STPG2: variants seen among roughly 807,000 people sequenced by gnomAD.
STPG2 encodes sperm tail PG-rich repeat containing 2.
In STPG2, 56 loss-of-function variants were observed where a neutral mutation model predicts 54.2. The ratio of observed to expected loss-of-function variants is 1.03; its 90% confidence interval spans 0.83 to 1.29. The LOEUF (loss-of-function observed/expected upper bound fraction) is 1.29. Among genes scored for constraint, STPG2 ranks in the 50% most tolerant of loss-of-function variants. The pLI is 0.00. For synonymous variants in STPG2, 200 were observed against 181.8 expected (o/e 1.10, Z -0.81); for missense variants, 596 against 544.9 (o/e 1.09, Z -0.93).
intron 4 of STPG2, among the ~76,000 whole-genome samples, chr4:97,508,188 C>T (rs1000694344): frequency 6.6e-6 from 1 of 152,012 alleles, no homozygotes; most frequent in Non-Finnish European, 1.5e-5. Flanking sequence ...ACAGCAAATA[C>T]ATCCATAAGG....
chr4:97,505,381 T>C (rs1730822022), intron 4 of STPG2, among the ~76,000 whole-genome samples: 1 of 151,926 alleles, frequency 6.6e-6, no homozygotes, highest in Admixed American at 6.6e-5. Context: ...TAACCCAGAA[T>C]ATGAAAATAG....
intron 4 of STPG2, among the ~76,000 whole-genome samples, chr4:97,462,089 A>C (rs1438125661): frequency 2.0e-5 from 3 of 151,842 alleles, no homozygotes; most frequent in African/African-American, 7.3e-5. Flanking sequence ...TCATTCTTAG[A>C]TCAACAACAC....
At chr4:98,024,044 C>A (rs571360715) in intron 5 of STPG2, among the ~76,000 whole-genome samples, 17 of 152,290 alleles carry the variant, frequency 1.1e-4, no homozygotes, top group African/African-American at 4.1e-4. Flanking sequence ...CACTGTCCTG[C>A]ACCCACTGTC....
intron 5 of STPG2, among the ~76,000 whole-genome samples, chr4:98,022,062 G>T (rs1432235750): frequency 1.3e-5 from 2 of 151,956 alleles, no homozygotes; most frequent in East Asian, 3.9e-4. Context: ...CTGTCATTAT[G>T]ATGTTAGCTG....
chr4:97,940,077 T>C (rs1035627535), intron 8 of STPG2, among the ~76,000 whole-genome samples: 1 of 152,228 alleles, frequency 6.6e-6, no homozygotes, highest in Non-Finnish European at 1.5e-5. Context: ...CTTAGCTGGA[T>C]ATAAAATTCT....
chr4:98,041,292 C>A (rs1736947849), intron 5 of STPG2, among the ~76,000 whole-genome samples: 2 of 151,860 alleles, frequency 1.3e-5, no homozygotes, highest in Admixed American at 1.3e-4. Flanking sequence ...AATTTGAAAT[C>A]CTCTTTTCCA....
intron 5 of STPG2, among the ~76,000 whole-genome samples, chr4:98,085,855 G>T (rs1578841987): frequency 6.6e-6 from 1 of 152,038 alleles, no homozygotes; most frequent in Non-Finnish European, 1.5e-5. Context: ...TTCTTCAAGA[G>T]TATTAAAATT....
chr4:97,592,547 C>T (rs915695269), intron 10 of STPG2, among the ~76,000 whole-genome samples: 5 of 152,012 alleles, frequency 3.3e-5, no homozygotes, highest in African/African-American at 4.8e-5. Context: ...TCAAAACAGC[C>T]AACTAGCTGT....
intron 10 of STPG2, among the ~76,000 whole-genome samples, chr4:97,611,311 T>A (rs1392196784): frequency 6.6e-6 from 1 of 151,266 alleles, no homozygotes; most frequent in Non-Finnish European, 1.5e-5. Flanking sequence ...GATCACAGAT[T>A]CAGAGCACAG....
intron 9 of STPG2, among the ~76,000 whole-genome samples, chr4:97,782,463 T>G (rs1560525707): frequency 6.6e-6 from 1 of 152,140 alleles, no homozygotes; most frequent in Non-Finnish European, 1.5e-5. Context: ...TCCATGCTCA[T>G]GGATAGGAAG....
chr4:97,918,269 T>C (rs1731961996), intron 8 of STPG2, among the ~76,000 whole-genome samples: 2 of 152,058 alleles, frequency 1.3e-5, no homozygotes, highest in African/African-American at 4.8e-5. Flanking sequence ...TCAAAATAGA[T>C]GAAAACAATT....
At chr4:97,565,833 T>C (rs1448221227) in intron 10 of STPG2, among the ~76,000 whole-genome samples, 2 of 126,154 alleles carry the variant, frequency 1.6e-5, no homozygotes, top group Non-Finnish European at 3.6e-5. Flanking sequence ...TGAGGTGTCA[T>C]TCTGCCGCTA....
At chr4:97,651,197 G>C (rs1578454330) in intron 10 of STPG2, among the ~76,000 whole-genome samples, 1 of 151,958 alleles carries the variant, frequency 6.6e-6, no homozygotes, top group East Asian at 1.9e-4. Context: ...TTGACTACCT[G>C]TGTTAGACCA....
chr4:97,700,585 T>A (rs1044648701), intron 10 of STPG2, among the ~76,000 whole-genome samples: 2 of 152,222 alleles, frequency 1.3e-5, no homozygotes, highest in African/African-American at 4.8e-5. Flanking sequence ...TGCAAGTGTC[T>A]CACCAATAAG....
chr4:97,553,425 A>G (rs968498548), intron 4 of STPG2, among the ~76,000 whole-genome samples: 1 of 152,114 alleles, frequency 6.6e-6, no homozygotes, highest in African/African-American at 2.4e-5. Context: ...TTCCTGTGAA[A>G]CTGAGATATA....
intron 4 of STPG2, among the ~76,000 whole-genome samples, chr4:97,502,998 T>C (rs1182276771): frequency 1.3e-5 from 2 of 152,074 alleles, no homozygotes; most frequent in East Asian, 1.9e-4. Context: ...TTTTATTATC[T>C]TGTTTTTATT....
chr4:97,689,028 G>C (rs1052731586), intron 10 of STPG2, among the ~76,000 whole-genome samples: 1 of 152,026 alleles, frequency 6.6e-6, no homozygotes, highest in Non-Finnish European at 1.5e-5. Context: ...TGTTACTTCA[G>C]TACTGAGTGC....
chr4:97,670,294 C>A (rs1159438946), intron 10 of STPG2, among the ~76,000 whole-genome samples: 1 of 151,914 alleles, frequency 6.6e-6, no homozygotes, highest in Non-Finnish European at 1.5e-5. Flanking sequence ...ATAAAATAAG[C>A]CTACACATAT....
At chr4:97,699,442 G>A (rs906201181) in intron 10 of STPG2, among the ~76,000 whole-genome samples, 1 of 152,182 alleles carries the variant, frequency 6.6e-6, no homozygotes, top group Non-Finnish European at 1.5e-5. Flanking sequence ...CACTCAGAGA[G>A]GTCCATCCAC....
Sources: allele counts gnomAD v4.1 joint callset (sites outside exome capture counted in the v4.1 genomes callset), GRCh38; gene constraint gnomAD v4.1.1; transcripts MANE v1.5; gene names NCBI Gene and HGNC (gene_info 2026-07-23, HGNC 2026-07-21).